SLC9A7: variants seen among roughly 807,000 people sequenced by gnomAD.
The protein encoded by SLC9A7 is solute carrier family 9 member A7, also known as sodium/hydrogen exchanger 7.
SLC9A7 carries 19 observed loss-of-function variants against 52.6 expected under a neutral mutation model. The ratio of observed to expected loss-of-function variants is 0.36; its 90% CI spans 0.25 to 0.53. SLC9A7 has a LOEUF of 0.53. SLC9A7 is among the 20% of genes least tolerant of loss of function. The pLI, the probability that SLC9A7 is intolerant of heterozygous loss-of-function variation, is 0.91. For missense variants in SLC9A7, 455 were observed against 597.9 expected (o/e 0.76, Z 2.49); for synonymous variants, 226 against 252.1 (o/e 0.90, Z 0.98).
intron 1 of SLC9A7, among the ~76,000 whole-genome samples, chrX:46,696,917 C>T (rs979737628): frequency 1.8e-5 from 2 of 111,990 alleles, no homozygotes; most frequent in African/African-American, 3.2e-5. Context: ...CACATGCAAA[C>T]GAAGGACCTG....
intron 12 of SLC9A7, among the ~76,000 whole-genome samples, chrX:46,636,582 G>A (rs1233373045): frequency 9.2e-6 from 1 of 108,839 alleles, no homozygotes; most frequent in Non-Finnish European, 1.9e-5. Context: ...ACTGAACCAC[G>A]TTTTCTCAAT....
At chrX:46,640,249 C>A (rs910257384) in intron 12 of SLC9A7, among the ~76,000 whole-genome samples, 2 of 112,037 alleles carry the variant, frequency 1.8e-5, no homozygotes, top group African/African-American at 3.2e-5. Flanking sequence ...CAGAAAGACA[C>A]CCCCATGCAT....
At chrX:46,692,894 GC>G (rs1944399874) in intron 1 of SLC9A7, among the ~76,000 whole-genome samples, 2 of 110,490 alleles carry the variant, frequency 1.8e-5, no homozygotes, top group African/African-American at 3.3e-5. Context: ...TGTAGCTTCT[GC>G]CCACTGGTCT....
chrX:46,741,433 ACACAGAT>A (rs1921342300), intron 1 of SLC9A7, among the ~76,000 whole-genome samples: 1 of 111,976 alleles, frequency 8.9e-6, no homozygotes, highest in African/African-American at 3.2e-5. Flanking sequence ...AGAGCTAGAT[ACACAGAT>A]CAGTGGAATA....
rs150564959 is a variant in SLC9A7, at chrX:46,686,128, A to G, written c.326-3593T>C. On this transcript the variant is annotated intron_variant, in intron 1 of 16. Coordinates refer to ENST00000616978, the MANE Select transcript of SLC9A7 (RefSeq NM_001257291.2). ...TCATATTTACAATCATCACCAGATG[A>G]CGAATATTGCTTTTTAAAGTTGTAA... 1.9e-3 allele frequency among the ~76,000 whole-genome samples: 213 copies of G among 112,176 alleles called. 5 individuals are homozygous for G. In the East Asian group the frequency reaches 0.05, roughly 27 times the overall value.
At chrX:46,746,520 C>A (rs1921789671) in intron 1 of SLC9A7, among the ~76,000 whole-genome samples, 1 of 111,666 alleles carries the variant, frequency 9.0e-6, no homozygotes, top group African/African-American at 3.3e-5. Flanking sequence ...ATATAAATGG[C>A]CAACCAGCAT....
intron 1 of SLC9A7, among the ~76,000 whole-genome samples, chrX:46,691,873 T>C (rs576610307): frequency 5.4e-5 from 6 of 111,286 alleles, no homozygotes; most frequent in South Asian, 7.6e-4. Context: ...TACAGCAATT[T>C]TACAGTTATA....
intron 1 of SLC9A7, 135 bp from the exon 2 acceptor site, chrX:46,682,670 G>A: frequency 1.8e-6 from 1 of 552,352 alleles, no homozygotes; most frequent in Non-Finnish European, 3.0e-6. Context: ...TGTATTTTAG[G>A]AGAAACTGCA....
At chrX:46,621,774 T>C (rs1197297207) in intron 14 of SLC9A7, among the ~76,000 whole-genome samples, 1 of 112,607 alleles carries the variant, frequency 8.9e-6, no homozygotes. Context: ...AAATCTGTTC[T>C]GTGCAAGTAT....
intron 7 of SLC9A7, among the ~76,000 whole-genome samples, chrX:46,661,542 C>T (rs1451321848): frequency 4.5e-5 from 5 of 111,523 alleles, no homozygotes; most frequent in Non-Finnish European, 9.4e-5. Context: ...TCTTTCCACA[C>T]TGTTTTTTTA....
chrX:46,616,505 C>T (rs952982529), intron 15 of SLC9A7, among the ~76,000 whole-genome samples: 7 of 111,509 alleles, frequency 6.3e-5, no homozygotes, highest in Non-Finnish European at 1.3e-4. Context: ...CAGAAGAGAA[C>T]CCTTGAGTAT....
In SLC9A7 at chrX:46,643,246, G is replaced by C. The variant is rs1047138548; in HGVS notation, c.1606C>G (p.Leu536Val). Residue 536 changes from leucine to valine, a missense_variant, in exon 12 of 17, where the codon CTT becomes GTT. Physicochemically the swap from Leu to Val is conservative, Grantham distance 32. Transcript: ENST00000616978. The stretch of plus-strand genomic sequence containing the variant: ...TGGTTCCAAACCAACCTGATGTTAA[G>C]CCATGACAACATGGGTGTCGTGCCT... ...GGGTTPMLSW[L>V]NIRVGVEEPS... is the part of the protein sequence containing the mutation. 1.7e-6 allele frequency: 2 copies of C among 1,208,560 alleles called. No individual in the cohort carries two copies. Among genetic ancestry groups the C allele is most frequent in the Admixed American group, 2.2e-5 (1 of 45,932 alleles).
Position 46,642,958 on chromosome X carries a change from T to G in SLC9A7, c.1616+278A>C, listed in dbSNP as rs1197954975. ...GCTTTAAGACTTTTTAAATTTTTGCTCTAATGTCACTGTTCTAGCAAGATC... is the reference window on the plus strand; with the variant it reads ...GCTTTAAGACTTTTTAAATTTTTGCGCTAATGTCACTGTTCTAGCAAGATC... On this transcript the variant is annotated intron_variant, in intron 12 of 16. Transcript: ENST00000616978. 2.7e-5 allele frequency among the ~76,000 whole-genome samples: 3 copies of G among 112,069 alleles called. No homozygotes were observed. In the East Asian group the frequency reaches 8.4e-4, roughly 31 times the overall value.
Position 46,683,614 on chromosome X carries a change from C to G in SLC9A7, c.326-1079G>C, listed in dbSNP as rs770304629. ...AACAGCAAGATCATGTATAAGCATT[C>G]AATTCTGTGAATAAGGAAGGAGTGT... On this transcript the variant is annotated intron_variant, in intron 1 of 16. Transcript: ENST00000616978. Among the ~76,000 whole-genome samples the G allele has an allele frequency of 7.2e-5, 8 of 111,473 alleles. No homozygotes were observed. The Admixed American group carries it at 7.7e-4, about 11-fold the overall frequency.
intron 1 of SLC9A7, chrX:46,725,594 A>G: frequency 9.7e-7 from 1 of 1,029,041 alleles, no homozygotes; most frequent in South Asian, 1.9e-5. Context: ...GCTGCTGCTC[A>G]TACATCCACT....
chrX:46,651,965 A>G (rs1446869107), intron 8 of SLC9A7, among the ~76,000 whole-genome samples: 1 of 110,174 alleles, frequency 9.1e-6, no homozygotes, highest in Admixed American at 9.7e-5. Context: ...GTACCTCAAC[A>G]TCCCCTCCTT....
At chrX:46,708,651 A>C (rs1944642292) in intron 1 of SLC9A7, among the ~76,000 whole-genome samples, 1 of 112,353 alleles carries the variant, frequency 8.9e-6, no homozygotes, top group South Asian at 3.7e-4. Flanking sequence ...AGCACCACTG[A>C]TTATGTTCTT....
chrX:46,706,165 G>A (rs1224898122), intron 1 of SLC9A7, among the ~76,000 whole-genome samples: 1 of 105,702 alleles, frequency 9.5e-6, no homozygotes, highest in African/African-American at 3.4e-5. Flanking sequence ...TTACAAGACT[G>A]TCTTTCAGAG....
At chrX:46,669,751 G>T in intron 4 of SLC9A7, 32 bp from the exon 5 acceptor site, 1 of 793,853 alleles carries the variant, frequency 1.3e-6, no homozygotes, top group Non-Finnish European at 1.8e-6. Flanking sequence ...TATGTCAGGA[G>T]AAAAAAATAA....
Sources: gnomAD v4.1 joint callset for allele counts (sites outside exome capture counted in the v4.1 genomes callset) on GRCh38, gnomAD v4.1.1 for gene constraint, MANE v1.5 for transcripts, NCBI Gene and HGNC (gene_info 2026-07-23, HGNC 2026-07-21) for gene names.